The following TBC1D8 variants were observed in gnomAD, a reference collection of about 807,000 sequenced individuals.
The protein encoded by TBC1D8 is TBC1 domain family member 8.
A neutral mutation model predicts 118.8 loss-of-function variants in TBC1D8; 65 were observed. That is an observed-to-expected ratio of 0.55 (90% confidence interval 0.45 to 0.67). TBC1D8 has a LOEUF of 0.67. Among genes scored for constraint, TBC1D8 ranks in the 30% least tolerant of loss-of-function variants. The pLI, the probability that TBC1D8 is intolerant of heterozygous loss-of-function variation, is 0.00. For missense variants in TBC1D8, 1,376 were observed against 1,471.2 expected, an observed-to-expected ratio of 0.94 and a Z score of 1.06; for synonymous variants, 566 against 595.8, an observed-to-expected ratio of 0.95 and a Z score of 0.73.
At chr2:101,010,206 G>A (rs934545979) in intron 19 of TBC1D8, among the ~76,000 whole-genome samples, 34 of 152,156 alleles carry the variant, frequency 2.2e-4, no homozygotes, top group African/African-American at 7.7e-4. Flanking sequence ...CCTGAATATG[G>A]CACAACCCTT....
At chr2:101,014,714 A>G (rs1405610830) in intron 17 of TBC1D8, among the ~76,000 whole-genome samples, 1 of 152,162 alleles carries the variant, frequency 6.6e-6, no homozygotes, top group Non-Finnish European at 1.5e-5. Context: ...ATATCTTGAC[A>G]TATTGGCACG....
intron 1 of TBC1D8, among the ~76,000 whole-genome samples, chr2:101,140,748 T>C (rs1482916867): frequency 2.0e-5 from 3 of 147,736 alleles, no homozygotes; most frequent in Non-Finnish European, 4.4e-5. Context: ...AAATAACACA[T>C]CTATATTACT....
intron 1 of TBC1D8, among the ~76,000 whole-genome samples, chr2:101,102,790 C>T (rs1025286317): frequency 6.6e-5 from 10 of 152,140 alleles, no homozygotes; most frequent in Middle Eastern, 3.4e-3. Context: ...CACCTGTAAT[C>T]CCAGCACTTT....
chr2:101,050,648 G>T lies in TBC1D8; in HGVS notation c.632-7C>A. ...CACGGAACCACAAGTTTAACTGTAA[G>T]AGAAAAGGGTGAAATACCTATTATG... On this transcript the variant is annotated splice_polypyrimidine_tract_variant and splice_region_variant and intron_variant, in intron 4 of 19. Coordinates refer to ENST00000409318, the MANE Select transcript of TBC1D8 (RefSeq NM_001330348.2). 6.2e-7 allele frequency: 1 copy of T among 1,612,142 alleles called. No homozygotes were observed.
At chr2:101,078,883 A>AT (rs1490058031) in intron 2 of TBC1D8, among the ~76,000 whole-genome samples, 3 of 151,826 alleles carry the variant, frequency 2.0e-5, no homozygotes, top group Non-Finnish European at 4.4e-5. Flanking sequence ...TTTCCTTATT[A>AT]TTTTTTTGAT....
At position 101,027,384 on chromosome 2, in the gene TBC1D8, T is replaced by C; in HGVS notation, c.2519A>G (p.Lys840Arg). The C allele has an allele frequency of 2.5e-6, 4 of 1,612,794 alleles. No individual in the cohort carries two copies. The highest frequency in any genetic ancestry group is 2.5e-6 in the Non-Finnish European group (3 of 1,179,010). Reference protein sequence around the residue: ...EDLEELYDLFKREHMMSCYWE... With the variant: ...EDLEELYDLFRREHMMSCYWE... ...CCTCATCTTCCCAGAGCTGCGTACC[T>C]TGAATAAGTCGTAGAGCTCCTCTAG... Residue 840 changes from lysine (K) to arginine (R), a missense_variant and splice_region_variant, in exon 15 of 20, where the codon AAG (lysine) becomes AGG (arginine). Coordinates refer to ENST00000409318, the MANE Select transcript of TBC1D8 (RefSeq NM_001330348.2).
rs75361208 is a variant in TBC1D8, at chr2:101,074,126, C to T, written c.284-14587G>A. ...CTTTTGATATAAAGTGAAAGACATA[C>T]GACATTTTCTTTTACTTCAGCACTA... On this transcript the variant is annotated intron_variant, in intron 2 of 19. Transcript: ENST00000409318. Among the ~76,000 whole-genome samples the T allele has an allele frequency of 1.4e-4, 21 of 152,248 alleles. No individual in the cohort carries two copies. In the East Asian group the frequency reaches 1.5e-3, roughly 11 times the overall value.
intron 17 of TBC1D8, among the ~76,000 whole-genome samples, chr2:101,014,191 G>T (rs1484079259): frequency 6.6e-6 from 1 of 151,322 alleles, no homozygotes; most frequent in African/African-American, 2.4e-5. Context: ...TTTTAATTTC[G>T]CAAAAGTTTT....
intron 1 of TBC1D8, among the ~76,000 whole-genome samples, chr2:101,146,216 G>C (rs930878335): frequency 2.0e-5 from 3 of 152,140 alleles, no homozygotes; most frequent in African/African-American, 7.2e-5. Context: ...CAAAGAAACT[G>C]GATAAACTAA....
At chr2:101,079,771 C>T (rs1248493167) in intron 2 of TBC1D8, among the ~76,000 whole-genome samples, 1 of 147,904 alleles carries the variant, frequency 6.8e-6, no homozygotes, top group Admixed American at 6.8e-5. Flanking sequence ...CTACAAGCTC[C>T]GCCTCCCGGG....
Position 101,151,152 on chromosome 2 carries a change from G to A in TBC1D8, c.102C>T (p.His34=), listed in dbSNP as rs1461788377. Residue 34 remains histidine, a synonymous_variant, in exon 1 of 20, where the codon CAC becomes CAT. Coordinates refer to ENST00000409318, the MANE Select transcript of TBC1D8 (RefSeq NM_001330348.2). The stretch of plus-strand genomic sequence containing the variant: ...CGGTGAGGCGGCCGCCCCCCTCGCC[G>A]TGCCCGCGGCGCCGCTGCAGGATGA... The part of the protein sequence containing the change: ...CYFILQRRRG[H]GEGGGRLTGR... 2.5e-6 allele frequency: 3 copies of A among 1,193,818 alleles called. No individual in the cohort carries two copies. Among genetic ancestry groups the A allele is most frequent in the East Asian group, 5.3e-5 (1 of 18,862 alleles). 74.0% of individuals were successfully genotyped at this position (1,193,818 alleles called of 1,614,324 possible).
intron 15 of TBC1D8, among the ~76,000 whole-genome samples, chr2:101,024,203 G>A (rs1005078478): frequency 6.6e-6 from 1 of 152,286 alleles, no homozygotes; most frequent in East Asian, 1.9e-4. Context: ...ATATGAACAG[G>A]TGATTCAAAA....
chr2:101,114,821 T>C (rs921191307), intron 1 of TBC1D8, among the ~76,000 whole-genome samples: 6 of 152,198 alleles, frequency 3.9e-5, no homozygotes, highest in Non-Finnish European at 7.3e-5. Flanking sequence ...TAACCATTAA[T>C]TCTAAAAAGC....
chr2:101,130,333 C>T (rs1457582869), intron 1 of TBC1D8, among the ~76,000 whole-genome samples: 1 of 152,198 alleles, frequency 6.6e-6, no homozygotes, highest in African/African-American at 2.4e-5. Flanking sequence ...GACAGGTGCC[C>T]GCGCCCTGAG....
chr2:101,027,039 C>T (rs1170937558), intron 15 of TBC1D8, among the ~76,000 whole-genome samples: 1 of 152,234 alleles, frequency 6.6e-6, no homozygotes. Flanking sequence ...AAAGGGTCAC[C>T]GCAGGACCCA....
At chr2:101,128,217 G>A (rs1319707525) in intron 1 of TBC1D8, among the ~76,000 whole-genome samples, 2 of 152,136 alleles carry the variant, frequency 1.3e-5, no homozygotes, top group African/African-American at 2.4e-5. Context: ...TCTTAGTTAT[G>A]AAAAACAAAA....
chr2:101,062,402 G>A (rs1682803789), intron 2 of TBC1D8, among the ~76,000 whole-genome samples: 1 of 152,134 alleles, frequency 6.6e-6, no homozygotes, highest in South Asian at 2.1e-4. Flanking sequence ...TGATCCAGAA[G>A]AAGAGAGAAC....
intron 1 of TBC1D8, among the ~76,000 whole-genome samples, chr2:101,128,797 T>C (rs1267910359): frequency 6.6e-6 from 1 of 152,248 alleles, no homozygotes; most frequent in Non-Finnish European, 1.5e-5. Flanking sequence ...AGAACCTTGA[T>C]AACATTATGC....
intron 1 of TBC1D8, 137 bp downstream of exon 1, chr2:101,150,990 C>G: frequency 1.7e-6 from 1 of 602,816 alleles, no homozygotes; most frequent in Non-Finnish European, 2.1e-6. Flanking sequence ...GAAAACAAGC[C>G]CGCGGCAGGG....
Sources: gnomAD v4.1 joint callset for allele counts (sites outside exome capture counted in the v4.1 genomes callset) on GRCh38, gnomAD v4.1.1 for gene constraint, MANE v1.5 for transcripts, NCBI Gene and HGNC (gene_info 2026-07-23, HGNC 2026-07-21) for gene names.